The following DOCK1 variants were observed in gnomAD, a reference collection of about 807,000 sequenced individuals.
DOCK1 encodes the protein dedicator of cytokinesis 1, also known as dedicator of cytokinesis protein 1.
A neutral mutation model predicts 262.7 loss-of-function variants in DOCK1; 138 were observed. The observed-to-expected ratio is 0.53, with a 90% CI of 0.46 to 0.61. The LOEUF is 0.61. Ranked by LOEUF, DOCK1 falls within the 20% of genes least tolerant of loss-of-function variation. DOCK1 has a pLI of 0.00. For missense variants in DOCK1, 1,908 were observed against 2,370.7 expected (o/e 0.80, Z 4.05); for synonymous variants, 866 against 867.4 (o/e 1.00, Z 0.03).
At chr10:127,223,881 G>A (rs1411226561) in intron 27 of DOCK1, among the ~76,000 whole-genome samples, 3 of 152,186 alleles carry the variant, frequency 2.0e-5, no homozygotes, top group Non-Finnish European at 4.4e-5. Flanking sequence ...GGCTCAGGGT[G>A]GAGCTTGGTT....
At chr10:127,252,228 G>A (rs2134864657) in intron 28 of DOCK1, among the ~76,000 whole-genome samples, 1 of 138,644 alleles carries the variant, frequency 7.2e-6, no homozygotes, top group Non-Finnish European at 1.6e-5. Context: ...CTTTTTGATG[G>A]GGTTGTTTGT....
At chr10:127,415,028 C>G (rs1766880941) in intron 43 of DOCK1, 124 bp from the exon 44 acceptor site, 2 of 847,978 alleles carry the variant, frequency 2.4e-6, no homozygotes, top group Non-Finnish European at 3.7e-6. Context: ...CTGAGCACCA[C>G]AGACCCTGTC....
chr10:127,139,784 T>G (rs556172017), intron 27 of DOCK1, among the ~76,000 whole-genome samples: 15 of 152,320 alleles, frequency 9.8e-5, no homozygotes, highest in African/African-American at 3.6e-4. Flanking sequence ...GCTGTCGTAA[T>G]TACTGAATTG....
intron 1 of DOCK1, among the ~76,000 whole-genome samples, chr10:126,941,552 CG>C (rs1378582369): frequency 1.4e-3 from 210 of 152,234 alleles, no homozygotes; most frequent in Middle Eastern, 3.4e-3. Flanking sequence ...GTCAGGAGAT[CG>C]AGACCATCCT....
chr10:127,308,578 C>T lies in DOCK1; in HGVS notation c.3045-30428C>T, dbSNP rs557679083. Among the ~76,000 whole-genome samples, 66 of 152,276 alleles carry T rather than the reference C, an allele frequency of 4.3e-4. No individual in the cohort carries two copies. In the Middle Eastern group the frequency reaches 0.01, roughly 24 times the overall value. ...TTAGCTATTTGTCCTAATGCTCTCC[C>T]TCCCCTTGCTGCCAACCCCCTGACA... On this transcript the variant is annotated intron_variant, in intron 29 of 51. Coordinates refer to ENST00000623213, the MANE Select transcript of DOCK1 (RefSeq NM_001290223.2).
chr10:127,400,970 T>C (rs1011475999), intron 38 of DOCK1, among the ~76,000 whole-genome samples: 1 of 152,198 alleles, frequency 6.6e-6, no homozygotes, highest in African/African-American at 2.4e-5. Flanking sequence ...AGGTGTAGAC[T>C]GCTCACAAAA....
Position 127,106,228 on chromosome 10 carries a change from C to T in DOCK1, c.2446-3C>T, listed in dbSNP as rs1219481111. The T allele has an allele frequency of 1.3e-6, 2 of 1,581,042 alleles. No homozygotes were observed. Among genetic ancestry groups the T allele is most frequent in the Non-Finnish European group, 1.7e-6 (2 of 1,161,608 alleles). ...CTCAGCCTTCTTGTTTCTTGATTTG[C>T]AGGGGGCAGCACTGAAATACTTACC... On this transcript the variant is annotated splice_polypyrimidine_tract_variant and splice_region_variant and intron_variant, in intron 23 of 51. Transcript: ENST00000623213.
chr10:127,368,316 A>G (rs561682155), intron 33 of DOCK1, among the ~76,000 whole-genome samples: 9 of 152,170 alleles, frequency 5.9e-5, no homozygotes, highest in African/African-American at 2.2e-4. Flanking sequence ...TGGCTCTTCC[A>G]GCACTTTCTA....
chr10:127,123,937 T>C (rs923745861), intron 25 of DOCK1, among the ~76,000 whole-genome samples: 8 of 152,254 alleles, frequency 5.3e-5, no homozygotes, highest in African/African-American at 1.9e-4. Context: ...AGGTACATTC[T>C]TATTTTCCTA....
chr10:127,083,869 C>T (rs375473797), intron 23 of DOCK1, among the ~76,000 whole-genome samples: 7 of 152,184 alleles, frequency 4.6e-5, no homozygotes, highest in Non-Finnish European at 2.9e-5. Context: ...CTTGCTTTAA[C>T]GTAGGGTTAG....
intron 22 of DOCK1, among the ~76,000 whole-genome samples, chr10:127,056,957 T>G (rs2045199409): frequency 6.6e-6 from 1 of 152,158 alleles, no homozygotes; most frequent in African/African-American, 2.4e-5. Flanking sequence ...TCCCTCCCCT[T>G]CTGTCCTCCC....
chr10:127,227,433 C>T (rs748589017), intron 27 of DOCK1, among the ~76,000 whole-genome samples: 6 of 152,184 alleles, frequency 3.9e-5, no homozygotes, highest in Non-Finnish European at 7.4e-5. Context: ...CCTGAGCACC[C>T]ATCTGGCCTG....
intron 33 of DOCK1, among the ~76,000 whole-genome samples, chr10:127,372,492 C>G (rs565433200): frequency 3.9e-5 from 6 of 152,214 alleles, no homozygotes; most frequent in African/African-American, 1.4e-4. Flanking sequence ...TTTATCCAGT[C>G]TAAGCACTTT....
In DOCK1 at chr10:127,342,372, GCT is replaced by G. The variant is rs531036454; in HGVS notation, c.3124-1271_3124-1270del. Among the ~76,000 whole-genome samples, 5 of 152,214 alleles carry G rather than the reference GCT, an allele frequency of 3.3e-5. No individual in the cohort carries two copies. The South Asian group carries it at 1.0e-3, about 32-fold the overall frequency. ...TAAAAAAAAGAGAGCCCCATTGTGG[GCT>G]CTGAGGTTGGGGGTGCCTGGCTCAG... is the stretch of plus-strand genomic sequence containing the variant. On this transcript the variant is annotated intron_variant, in intron 30 of 51. Transcript: ENST00000623213.
At chr10:127,045,191 CT>C (rs1490126096) in intron 21 of DOCK1, among the ~76,000 whole-genome samples, 1 of 126,830 alleles carries the variant, frequency 7.9e-6, no homozygotes, top group Non-Finnish European at 1.6e-5. Flanking sequence ...GATCAAGACT[CT>C]GTCTCAATAA....
intron 1 of DOCK1, among the ~76,000 whole-genome samples, chr10:126,925,856 G>A (rs1196283947): frequency 6.6e-6 from 1 of 151,958 alleles, no homozygotes; most frequent in Non-Finnish European, 1.5e-5. Flanking sequence ...ACAGTAGGGT[G>A]TGATGTGGGG....
In DOCK1 at chr10:126,995,205, C is replaced by T. The variant is rs184729712; in HGVS notation, c.474-1543C>T. Reference sequence around the variant, plus strand: ...CTCCTCACTTCCCAGACTGGGTGGCCGGGCAGACACGCTCCTCACTTCCCA... The same window carrying T: ...CTCCTCACTTCCCAGACTGGGTGGCTGGGCAGACACGCTCCTCACTTCCCA... On this transcript the variant is annotated intron_variant, in intron 6 of 51. Transcript: ENST00000623213. This position sits in a 1 kb window ranked among gnomAD's most constrained non-coding sequence, Gnocchi z 5.8. Among the ~76,000 whole-genome samples, 2,679 of 151,722 alleles carry T rather than the reference C, an allele frequency of 0.018. 69 individuals are homozygous for T. Among genetic ancestry groups the T allele is most frequent in the African/African-American group, 0.059 (2,450 of 41,254 alleles).
chr10:126,957,900 TAACA>T (rs1411790597), intron 1 of DOCK1, among the ~76,000 whole-genome samples: 1 of 152,132 alleles, frequency 6.6e-6, no homozygotes, highest in African/African-American at 2.4e-5. Flanking sequence ...CAATAGAAAA[TAACA>T]AACTACTGAT....
At chr10:127,444,712 C>A (rs1160578952) in intron 50 of DOCK1, among the ~76,000 whole-genome samples, 1 of 152,162 alleles carries the variant, frequency 6.6e-6, no homozygotes, top group Non-Finnish European at 1.5e-5. Flanking sequence ...GTTTAAATTA[C>A]CCTAGAAGTT....
Sources: allele counts gnomAD v4.1 joint callset (sites outside exome capture counted in the v4.1 genomes callset), GRCh38; gene constraint gnomAD v4.1.1; non-coding constraint Gnocchi (gnomAD v3.1); transcripts MANE v1.5; gene names NCBI Gene and HGNC (gene_info 2026-07-23, HGNC 2026-07-21).